The following PAX6 variants were observed in gnomAD, a reference collection of about 807,000 sequenced individuals.
PAX6 encodes paired box protein Pax-6.
Under a neutral mutation model 60.7 loss-of-function variants are expected in PAX6, and 7 were observed. That is an observed-to-expected ratio of 0.12 (90% CI 0.07 to 0.22). The LOEUF is 0.22. PAX6 is among the 10% of genes least tolerant of loss of function. The pLI, the probability that PAX6 is intolerant of heterozygous loss-of-function variation, is 1.00. For synonymous variants in PAX6, 208 were observed against 201.2 expected, an observed-to-expected ratio of 1.03 and a Z score of -0.29; for missense variants, 355 against 555.2, an observed-to-expected ratio of 0.64 and a Z score of 3.62.
Position 31,794,420 on chromosome 11 carries a change from CCACACACACACACACACACACACA to C in PAX6, c.724+186_724+209del, listed in dbSNP as rs10525266. 0.084 allele frequency: 42,814 copies of C among 512,260 alleles called. 932 individuals carry two copies. The highest frequency in any genetic ancestry group is 0.15 in the East Asian group (4,226 of 27,618). The allele number at this position is 512,260 out of a possible 1,614,324, so 31.7% of individuals were successfully genotyped here. A position where few individuals can be genotyped will look rare whatever the true frequency, so the allele number is the denominator to read the frequency against. On this transcript the variant is annotated intron_variant, in intron 9 of 13. Coordinates refer to ENST00000640368, the MANE Select transcript of PAX6 (RefSeq NM_001368894.2). Reference sequence around the variant, plus strand: ...AAAAGAAGAAACACACACACACACACCACACACACACACACACACACACACACACACACACACACACACACACAC... The same window carrying C: ...AAAAGAAGAAACACACACACACACACCACACACACACACACACACACACAC...
intron 7 of PAX6, 38 bp from the exon 8 acceptor site, chr11:31,800,894 C>G: frequency 6.2e-7 from 1 of 1,603,288 alleles, no homozygotes; most frequent in Non-Finnish European, 8.5e-7. Flanking sequence ...ATGGTAGTGT[C>G]TCCTGAAGAC....
chr11:31,805,078 T>C (rs951400424), intron 4 of PAX6: 2 of 152,240 alleles, frequency 1.3e-5, no homozygotes, highest in Non-Finnish European at 2.9e-5. Context: ...GGAAAACATA[T>C]GGTGTCAATT....
upstream of PAX6, chr11:31,812,296 C>CTGTG (rs1347167499): frequency 2.4e-4 from 26 of 109,990 alleles, no homozygotes; most frequent in African/African-American, 1.1e-3. Flanking sequence ...GATTCTCTCT[C>CTGTG]TCTCTCTGTG....
intron 10 of PAX6, 51 bp from the exon 11 acceptor site, chr11:31,793,853 C>G: frequency 6.2e-7 from 1 of 1,609,192 alleles, no homozygotes; most frequent in South Asian, 1.1e-5. Flanking sequence ...GAGCCCAGCC[C>G]CACCTTGGCA....
intron 12 of PAX6, chr11:31,791,467 A>G (rs1949949933): frequency 1.2e-5 from 2 of 162,244 alleles, no homozygotes; most frequent in African/African-American, 4.8e-5. Flanking sequence ...TAACAGACCC[A>G]AAAGCCCAGA....
chr11:31,801,293 T>A, intron 7 of PAX6: 2 of 1,407,822 alleles, frequency 1.4e-6, no homozygotes, highest in Non-Finnish European at 9.2e-7. Flanking sequence ...TTTTCCTTCT[T>A]CATTCAAGTG....
intron 7 of PAX6, 131 bp from the exon 8 acceptor site, chr11:31,800,987 G>C: frequency 1.0e-6 from 1 of 955,370 alleles, no homozygotes; most frequent in Non-Finnish European, 1.6e-6. Flanking sequence ...CCGGGACAGT[G>C]GGTGGATTTG....
upstream of PAX6, chr11:31,812,669 G>T (rs1957166770): frequency 6.6e-6 from 1 of 152,618 alleles, no homozygotes; most frequent in Admixed American, 6.5e-5. Context: ...TCTCTCGGCG[G>T]CTTCGGGCCA....
In PAX6 at chr11:31,800,761, C is replaced by G. The variant is rs897002452; in HGVS notation, c.495G>C (p.Gly165=). 6.2e-7 allele frequency: 1 copy of G among 1,614,220 alleles called. No individual in the cohort carries two copies. Among genetic ancestry groups the G allele is most frequent in the Non-Finnish European group, 8.5e-7 (1 of 1,180,044 alleles). The change falls in exon 8 of 14, where the codon GGG becomes GGC. Residue 165 remains glycine (G), a synonymous_variant. Coordinates refer to ENST00000640368, the MANE Select transcript of PAX6 (RefSeq NM_001368894.2). ...GGCGGGTGCCCCAGCTTCCGGTCTG[C>G]CCGTTCAACATCCTTAGTTTATCAT... ...GMYDKLRMLN[G]QTGSWGTRPG...
rs75572362 is a variant in PAX6, at chr11:31,793,520, C to T, written c.992G>A (p.Arg331Gln). 6 of 1,614,050 alleles carry T rather than the reference C, an allele frequency of 3.7e-6. No homozygotes were observed. The highest frequency in any genetic ancestry group is 2.2e-5 in the East Asian group (1 of 44,892). The change falls in exon 12 of 14, where the codon CGA becomes CAA. Residue 331 changes from arginine (R) to glutamine (Q), a missense_variant. Arg to Gln is a conservative substitution (Grantham distance 43, BLOSUM62 1). Coordinates refer to ENST00000640368, the MANE Select transcript of PAX6 (RefSeq NM_001368894.2). ...SSFTSGSMLG[R>Q]TDTALTNTYS... ...GGTGTTTGTGAGGGCTGTGTCTGTT[C>T]GGCCCAACATGGAGCCAGATGTGAA...
intron 11 of PAX6, 40 bp downstream of exon 11, chr11:31,793,612 T>A: frequency 1.2e-6 from 2 of 1,613,882 alleles, no homozygotes; most frequent in Non-Finnish European, 1.7e-6. Context: ...AGCAAACAGG[T>A]TTAAAGACAT....
chr11:31,814,990 G>GTCCCTCTCTCTCTCTC (rs1957306078), upstream of PAX6: 2 of 130,368 alleles, frequency 1.5e-5, no homozygotes, highest in African/African-American at 3.3e-5. Context: ...AGGCCAGCCT[G>GTCCCTCTCTCTCTCTC]TCTCTCTCTC....
intron 8 of PAX6, among the ~76,000 whole-genome samples, chr11:31,799,372 C>A (rs193090931): frequency 5.9e-5 from 9 of 152,200 alleles, no homozygotes; most frequent in Admixed American, 5.9e-4. Flanking sequence ...AAACAAGAAG[C>A]GAGCGCTTTG....
At chr11:31,817,467 C>T (rs1200184320) in intron 1 of PAX6, among the ~76,000 whole-genome samples, 1 of 152,266 alleles carries the variant, frequency 6.6e-6, no homozygotes, top group African/African-American at 2.4e-5. Flanking sequence ...TGCGTCCCCA[C>T]CTCCTGCATT....
chr11:31,808,152 T>A (rs956698563), intron 2 of PAX6: 9 of 152,152 alleles, frequency 5.9e-5, no homozygotes, highest in African/African-American at 7.2e-5. Context: ...TGTTTTTTTT[T>A]AAATGCATTA....
intron 9 of PAX6, 193 bp from the exon 10 acceptor site, chr11:31,794,307 A>C (rs1950769863): frequency 3.0e-6 from 2 of 659,254 alleles, no homozygotes; most frequent in Non-Finnish European, 5.5e-6. Flanking sequence ...TTGGAATGGC[A>C]TTCAGTGACC....
At chr11:31,793,602 A>G in intron 11 of PAX6, 49 bp from the exon 12 acceptor site, 5 of 1,613,716 alleles carry the variant, frequency 3.1e-6, no homozygotes, top group Non-Finnish European at 4.2e-6. Flanking sequence ...CAGAGCCCGG[A>G]GCAAACAGGT....
At chr11:31,791,019 C>T in intron 12 of PAX6, 159 bp from the exon 13 acceptor site, 1 of 839,040 alleles carries the variant, frequency 1.2e-6, no homozygotes. Context: ...AAGATTGGGC[C>T]TCGAGCTAGT....
rs1953708072 is a variant in PAX6 at position 31,801,180 on chromosome 11, T to A, written c.400-324A>T. ...AAACTATTTAGACTTGTTGTAAAGC[T>A]TTCTTTCATTATATTGTTTAATATT... On this transcript the variant is annotated intron_variant, in intron 7 of 13. Transcript: ENST00000640368. 1.3e-5 allele frequency: 16 copies of A among 1,193,900 alleles called. No individual in the cohort carries two copies. In the South Asian group the frequency reaches 2.3e-4, roughly 17 times the overall value. 74.0% of individuals were successfully genotyped at this position (1,193,900 alleles called of 1,614,324 possible).
Sources: allele counts gnomAD v4.1 joint callset (sites outside exome capture counted in the v4.1 genomes callset), GRCh38; gene constraint gnomAD v4.1.1; transcripts MANE v1.5; gene names NCBI Gene and HGNC (gene_info 2026-07-23, HGNC 2026-07-21).